Variants in ABCB11 observed in about 807,000 individuals in gnomAD.
ABCB11 encodes the protein bile salt export pump.
A neutral mutation model predicts 148.0 loss-of-function variants in ABCB11; 95 were observed. That is an observed-to-expected ratio of 0.64 (90% CI 0.54 to 0.76). The LOEUF (loss-of-function observed/expected upper bound fraction) is 0.76, where lower values mean the gene tolerates loss of function less well. ABCB11 is among the 30% of genes least tolerant of loss of function. The pLI is 0.00. For synonymous variants in ABCB11, 591 were observed against 555.4 expected, an observed-to-expected ratio of 1.06 and a Z score of -0.90; for missense variants, 1,523 against 1,617.8, an observed-to-expected ratio of 0.94 and a Z score of 1.01.
At chr2:168,968,982 C>A (rs1457798885) in intron 16 of ABCB11, among the ~76,000 whole-genome samples, 2 of 151,938 alleles carry the variant, frequency 1.3e-5, no homozygotes, top group East Asian at 3.9e-4. Context: ...TGCACTAGAA[C>A]CTGAAGTATC....
At chr2:168,957,201 C>A (rs919647971) in intron 19 of ABCB11, among the ~76,000 whole-genome samples, 4 of 151,684 alleles carry the variant, frequency 2.6e-5, no homozygotes, top group African/African-American at 9.7e-5. Flanking sequence ...TCTACAGTTA[C>A]ACTGGCTGGA....
intron 5 of ABCB11, among the ~76,000 whole-genome samples, chr2:168,998,158 AT>A (rs1245119390): frequency 1.3e-5 from 2 of 152,190 alleles, no homozygotes; most frequent in East Asian, 3.9e-4. Flanking sequence ...CTATATTATT[AT>A]AAGTAAAAGC....
intron 11 of ABCB11, among the ~76,000 whole-genome samples, chr2:168,977,903 G>A (rs1693980843): frequency 6.6e-6 from 1 of 151,980 alleles, no homozygotes; most frequent in South Asian, 2.1e-4. Context: ...CGACACATGG[G>A]GATTACAGTT....
At chr2:168,933,705 T>G (rs1040981436) in intron 23 of ABCB11, among the ~76,000 whole-genome samples, 34 of 152,130 alleles carry the variant, frequency 2.2e-4, no homozygotes, top group Non-Finnish European at 4.3e-4. Context: ...ACGTTCCAAT[T>G]TTTAAAGTGA....
chr2:168,968,364 G>T, intron 17 of ABCB11, 63 bp downstream of exon 17: 1 of 1,438,982 alleles, frequency 6.9e-7, no homozygotes, highest in Non-Finnish European at 9.7e-7. Context: ...TGAGGATTAG[G>T]ACTACAGAGG....
intron 18 of ABCB11, among the ~76,000 whole-genome samples, chr2:168,961,667 A>T (rs1209314887): frequency 1.3e-5 from 2 of 151,658 alleles, no homozygotes; most frequent in African/African-American, 4.8e-5. Context: ...CTAACATCTG[A>T]CCCCGTTTAC....
At chr2:168,952,420 G>A (rs755981958) in intron 19 of ABCB11, among the ~76,000 whole-genome samples, 1 of 151,260 alleles carries the variant, frequency 6.6e-6, no homozygotes, top group African/African-American at 2.4e-5. Context: ...TTATTAGTCT[G>A]TTCAGGTTTT....
intron 19 of ABCB11, among the ~76,000 whole-genome samples, chr2:168,956,505 TG>T (rs1456639364): frequency 1.3e-5 from 2 of 151,678 alleles, no homozygotes; most frequent in Non-Finnish European, 3.0e-5. Context: ...ACTTTGGCTT[TG>T]ATTTTGGGTT....
downstream of ABCB11, among the ~76,000 whole-genome samples, chr2:168,919,297 A>T (rs1691009261): frequency 6.6e-6 from 1 of 152,112 alleles, no homozygotes; most frequent in Non-Finnish European, 1.5e-5. Flanking sequence ...TTCCACCTAG[A>T]GCTAATAGCT....
chr2:168,971,303 T>C (rs1164832282), intron 14 of ABCB11, among the ~76,000 whole-genome samples: 2 of 152,072 alleles, frequency 1.3e-5, no homozygotes, highest in Admixed American at 6.6e-5. Context: ...CCCTTTATAA[T>C]AACTCTTCTT....
chr2:168,965,194 G>T (rs143944473), intron 17 of ABCB11, among the ~76,000 whole-genome samples: 1 of 151,922 alleles, frequency 6.6e-6, no homozygotes, highest in African/African-American at 2.4e-5. Context: ...CTGACTGAGA[G>T]AATGTATAAA....
intron 17 of ABCB11, among the ~76,000 whole-genome samples, 200 bp downstream of exon 17, chr2:168,968,227 G>GC (rs1693400644): frequency 9.5e-6 from 1 of 104,928 alleles, no homozygotes; most frequent in Admixed American, 8.5e-5. Flanking sequence ...AAGATGAGAA[G>GC]CTAACCAAAA....
At chr2:169,010,139 T>G (rs1489380032) in intron 5 of ABCB11, among the ~76,000 whole-genome samples, 1 of 152,236 alleles carries the variant, frequency 6.6e-6, no homozygotes, top group East Asian at 1.9e-4. Flanking sequence ...GGTTGGTTTC[T>G]GTGACCCATA....
intron 15 of ABCB11, 93 bp downstream of exon 15, chr2:168,969,952 C>CCCAA: frequency 1.8e-6 from 1 of 541,484 alleles, no homozygotes; most frequent in African/African-American, 1.9e-5. Context: ...ATCAACTACT[C>CCCAA]CCATCCCTCC....
intron 10 of ABCB11, among the ~76,000 whole-genome samples, chr2:168,982,437 C>T (rs917557873): frequency 6.6e-6 from 1 of 152,058 alleles, no homozygotes; most frequent in African/African-American, 2.4e-5. Flanking sequence ...GAATGTCACG[C>T]TCCATTATGT....
At chr2:169,018,377 G>GT (rs1472505155) in intron 1 of ABCB11, among the ~76,000 whole-genome samples, 1 of 152,108 alleles carries the variant, frequency 6.6e-6, no homozygotes, top group Non-Finnish European at 1.5e-5. Flanking sequence ...ATGGATGGTT[G>GT]TTTTTTATAG....
intron 13 of ABCB11, among the ~76,000 whole-genome samples, chr2:168,972,434 C>T (rs1353983645): frequency 7.9e-6 from 1 of 126,536 alleles, no homozygotes; most frequent in Non-Finnish European, 1.7e-5. Context: ...ACAATGATCC[C>T]TATCTTGTAT....
chr2:169,009,417 T>C (rs920758065), intron 5 of ABCB11, among the ~76,000 whole-genome samples: 5 of 152,208 alleles, frequency 3.3e-5, no homozygotes, highest in Middle Eastern at 3.4e-3. Flanking sequence ...GATGAGTTCA[T>C]GTCCTTTGTA....
intron 5 of ABCB11, among the ~76,000 whole-genome samples, chr2:169,007,326 T>A (rs1695050008): frequency 6.6e-6 from 1 of 152,158 alleles, no homozygotes; most frequent in South Asian, 2.1e-4. Context: ...GGACCCCTAA[T>A]TCACCCCTAC....
Sources: gnomAD v4.1 joint callset for allele counts (sites outside exome capture counted in the v4.1 genomes callset) on GRCh38, gnomAD v4.1.1 for gene constraint, MANE v1.5 for transcripts, NCBI Gene and HGNC (gene_info 2026-07-23, HGNC 2026-07-21) for gene names.